THSD7A: variants seen among roughly 807,000 people sequenced by gnomAD.
The protein encoded by THSD7A is thrombospondin type 1 domain containing 7A.
THSD7A carries 96 observed loss-of-function variants against 231.3 expected under a neutral mutation model. The ratio of observed to expected loss-of-function variants is 0.41; its 90% CI spans 0.35 to 0.49. The LOEUF (loss-of-function observed/expected upper bound fraction) is 0.49, where lower values mean the gene tolerates loss of function less well. THSD7A is among the 20% of genes least tolerant of loss of function. The pLI is 0.05. For missense variants in THSD7A, 2,290 were observed against 2,070.2 expected, an observed-to-expected ratio of 1.11 and a Z score of -2.06; for synonymous variants, 940 against 743.3, an observed-to-expected ratio of 1.26 and a Z score of -4.30.
chr7:11,531,953 T>C (rs1313169531), intron 6 of THSD7A, among the ~76,000 whole-genome samples: 1 of 152,190 alleles, frequency 6.6e-6, no homozygotes, highest in Non-Finnish European at 1.5e-5. Flanking sequence ...GTATAGTCTA[T>C]TCCACTATTC....
At chr7:11,811,228 A>G (rs900135653) in intron 1 of THSD7A, among the ~76,000 whole-genome samples, 2 of 151,880 alleles carry the variant, frequency 1.3e-5, no homozygotes, top group Non-Finnish European at 2.9e-5. Flanking sequence ...ATTATCAAGC[A>G]CACACACACA....
chr7:11,625,449 C>T (rs918393329), intron 2 of THSD7A, among the ~76,000 whole-genome samples: 1 of 152,044 alleles, frequency 6.6e-6, no homozygotes, highest in Admixed American at 6.6e-5. Context: ...TTCATCATCA[C>T]ATCTTTTATC....
In THSD7A at chr7:11,406,813, G is replaced by T; in HGVS notation, c.4062+97C>A. On this transcript the variant is annotated intron_variant, in intron 21 of 27. Coordinates refer to ENST00000423059, the MANE Select transcript of THSD7A (RefSeq NM_015204.3). The surrounding 1 kb of genome is among the most constrained non-coding windows in gnomAD (Gnocchi z 4.7). Reference sequence around the variant, plus strand: ...AAGAAGCTTGTCATCTGTGAGCTCTGAAACATATTTCTAACACATTATTTT... The same window carrying T: ...AAGAAGCTTGTCATCTGTGAGCTCTTAAACATATTTCTAACACATTATTTT... 2 of 1,402,408 alleles carry T rather than the reference G, an allele frequency of 1.4e-6. No individual in the cohort carries two copies. The highest frequency in any genetic ancestry group is 2.6e-5 in the Admixed American group (1 of 38,854). 86.9% of individuals were successfully genotyped at this position (1,402,408 alleles called of 1,614,324 possible).
rs74922121 is a variant in THSD7A at position 11,768,196 on chromosome 7, T to C, written c.190+63561A>G. ...ATGGTTCTTATGTTAATATTGAGGT[T>C]GTTATTTTCCTTCTAAACTCATTTG... is the stretch of plus-strand genomic sequence containing the variant. On this transcript the variant is annotated intron_variant, in intron 1 of 27. Transcript: ENST00000423059. Among the ~76,000 whole-genome samples, 195 of 152,304 alleles carry C rather than the reference T, an allele frequency of 1.3e-3. 2 individuals carry two copies. Among genetic ancestry groups the C allele is most frequent in the African/African-American group, 4.5e-3 (188 of 41,566 alleles).
intron 1 of THSD7A, among the ~76,000 whole-genome samples, chr7:11,815,397 A>C (rs538684556): frequency 6.6e-6 from 1 of 151,494 alleles, no homozygotes; most frequent in South Asian, 2.1e-4. Context: ...TGCCTCATCT[A>C]CTCCCCTCAT....
At chr7:11,769,137 ATATATATATATATATATTT>A (rs1218624058) in intron 1 of THSD7A, among the ~76,000 whole-genome samples, 1 of 36,636 alleles carries the variant, frequency 2.7e-5, no homozygotes, top group Non-Finnish European at 6.3e-5. Context: ...ATATATATAT[ATATATATATATATATATTT>A]TTTTTTTTTT....
At chr7:11,559,017 C>A (rs1789966721) in intron 4 of THSD7A, among the ~76,000 whole-genome samples, 1 of 152,120 alleles carries the variant, frequency 6.6e-6, no homozygotes, top group Admixed American at 6.6e-5. Context: ...ATAAAAGGTA[C>A]TTGATATGCC....
At chr7:11,516,488 C>T (rs756482719) in intron 6 of THSD7A, among the ~76,000 whole-genome samples, 2 of 152,318 alleles carry the variant, frequency 1.3e-5, no homozygotes, top group South Asian at 4.1e-4. Context: ...TCATCCCCAT[C>T]TTCCTATAAA....
Position 11,396,320 on chromosome 7 carries a change from C to G in THSD7A, c.4411+5475G>C, listed in dbSNP as rs373503143. On this transcript the variant is annotated intron_variant, in intron 23 of 27. Coordinates refer to ENST00000423059, the MANE Select transcript of THSD7A (RefSeq NM_015204.3). The stretch of plus-strand genomic sequence containing the variant: ...AGCTGAAGGTGATAGAGACATGAAA[C>G]ACCCTTAAAAAAATCAATCAAGGAG... Among the ~76,000 whole-genome samples the G allele has an allele frequency of 2.2e-4, 33 of 151,904 alleles. No individual in the cohort carries two copies. In the East Asian group the frequency reaches 5.8e-3, roughly 27 times the overall value.
At chr7:11,420,952 G>A (rs755372672) in intron 16 of THSD7A, among the ~76,000 whole-genome samples, 5 of 152,166 alleles carry the variant, frequency 3.3e-5, no homozygotes, top group Non-Finnish European at 5.9e-5. Context: ...TTGTTTTGGC[G>A]AATATCTCCC....
chr7:11,763,117 A>G (rs529915458), intron 1 of THSD7A, among the ~76,000 whole-genome samples: 1 of 152,044 alleles, frequency 6.6e-6, no homozygotes, highest in Non-Finnish European at 1.5e-5. Context: ...AACCCCCCAC[A>G]CTTTGCCATA....
chr7:11,656,531 A>G (rs1351661523), intron 1 of THSD7A, among the ~76,000 whole-genome samples: 2 of 151,856 alleles, frequency 1.3e-5, no homozygotes, highest in Non-Finnish European at 2.9e-5. Flanking sequence ...TTTAATGATT[A>G]TCTTTTGGAT....
intron 1 of THSD7A, among the ~76,000 whole-genome samples, chr7:11,720,522 CA>C (rs1781313635): frequency 6.6e-6 from 1 of 151,742 alleles, no homozygotes; most frequent in Non-Finnish European, 1.5e-5. Context: ...CTTAATGAAG[CA>C]AAACAAAACA....
chr7:11,821,105 T>A (rs1784860569), intron 1 of THSD7A: 1 of 1,058,524 alleles, frequency 9.4e-7, no homozygotes, highest in Admixed American at 1.8e-5. Context: ...TGTAACTTGT[T>A]TTTGGCTGCC....
chr7:11,696,761 T>C (rs1780414991), intron 1 of THSD7A, among the ~76,000 whole-genome samples: 1 of 151,428 alleles, frequency 6.6e-6, no homozygotes, highest in African/African-American at 2.4e-5. Context: ...CAAACCAGGG[T>C]GTTCCTGTAT....
intron 1 of THSD7A, among the ~76,000 whole-genome samples, chr7:11,789,041 C>G (rs1380414325): frequency 6.6e-6 from 1 of 151,750 alleles, no homozygotes; most frequent in African/African-American, 2.4e-5. Context: ...GATAAGAAGG[C>G]AATTAGATTG....
rs1234460034 is a variant in THSD7A, at chr7:11,831,674, C to G, written c.190+83G>C. On this transcript the variant is annotated intron_variant, in intron 1 of 27. Coordinates refer to ENST00000423059, the MANE Select transcript of THSD7A (RefSeq NM_015204.3). This position sits in a 1 kb window ranked among gnomAD's most constrained non-coding sequence, Gnocchi z 5.0. ...AGCATAACCAAGCCATCCAAAAGCA[C>G]CGGGGTCCCTACAGAAGCCCACCAG... The G allele has an allele frequency of 1.0e-5, 11 of 1,073,268 alleles. No individual in the cohort carries two copies. 66.5% of individuals were successfully genotyped at this position (1,073,268 alleles called of 1,614,324 possible). A position where few individuals can be genotyped will look rare whatever the true frequency, so the allele number is the denominator to read the frequency against.
chr7:11,585,126 T>G (rs1562744323), intron 4 of THSD7A, among the ~76,000 whole-genome samples: 2 of 152,214 alleles, frequency 1.3e-5, no homozygotes, highest in Non-Finnish European at 2.9e-5. Flanking sequence ...GGTTGAATAC[T>G]TCCTGAAGTC....
At chr7:11,619,629 C>G (rs1212839062) in intron 2 of THSD7A, among the ~76,000 whole-genome samples, 2 of 151,866 alleles carry the variant, frequency 1.3e-5, no homozygotes, top group Non-Finnish European at 2.9e-5. Flanking sequence ...AGTATCTTGT[C>G]CAGGCTCGTC....
Sources: allele counts gnomAD v4.1 joint callset (sites outside exome capture counted in the v4.1 genomes callset), GRCh38; gene constraint gnomAD v4.1.1; non-coding constraint Gnocchi (gnomAD v3.1); transcripts MANE v1.5; gene names NCBI Gene and HGNC (gene_info 2026-07-23, HGNC 2026-07-21).